Variants in PHKB observed in about 807,000 individuals in gnomAD.
PHKB encodes the protein phosphorylase b kinase regulatory subunit beta.
PHKB carries 122 observed loss-of-function variants against 152.1 expected under a neutral mutation model. The observed-to-expected ratio is 0.80, with a 90% CI of 0.69 to 0.93. The LOEUF (loss-of-function observed/expected upper bound fraction) is 0.93, where lower values mean the gene tolerates loss of function less well. Ranked by LOEUF, PHKB falls within the 40% of genes least tolerant of loss-of-function variation. PHKB has a pLI of 0.00. For synonymous variants in PHKB, 436 were observed against 464.9 expected (o/e 0.94, Z 0.80); for missense variants, 1,304 against 1,328.4 (o/e 0.98, Z 0.29).
chr16:47,598,190 C>A (rs1390737308), intron 13 of PHKB, among the ~76,000 whole-genome samples: 1 of 152,106 alleles, frequency 6.6e-6, no homozygotes, highest in South Asian at 2.1e-4. Context: ...TCACCAGCCA[C>A]TTGTGCTATT....
chr16:47,477,181 A>G (rs980333334), intron 1 of PHKB, among the ~76,000 whole-genome samples: 1 of 152,168 alleles, frequency 6.6e-6, no homozygotes, highest in African/African-American at 2.4e-5. Context: ...TAATTGCTCT[A>G]CTGGTTCCCA....
At position 47,555,045 on chromosome 16, in the gene PHKB, A is replaced by G. The variant is rs544453816; in HGVS notation, c.710+7497A>G. ...CTTCGCTTTTCTAATAAAGAAAGCCATCACTAAAATATCAGATAAATAACA... is the reference window on the plus strand; with the variant it reads ...CTTCGCTTTTCTAATAAAGAAAGCCGTCACTAAAATATCAGATAAATAACA... On this transcript the variant is annotated intron_variant, in intron 7 of 30. Coordinates refer to ENST00000323584, the MANE Select transcript of PHKB (RefSeq NM_000293.3). 6.6e-5 allele frequency among the ~76,000 whole-genome samples: 10 copies of G among 152,358 alleles called. No individual in the cohort carries two copies. In the East Asian group the frequency reaches 7.7e-4, roughly 12 times the overall value.
At chr16:47,548,115 T>C (rs1490023018) in intron 7 of PHKB, 2 of 155,784 alleles carry the variant, frequency 1.3e-5, no homozygotes, top group African/African-American at 4.8e-5. Context: ...GAATTTCTTT[T>C]AATCCTTAGG....
chr16:47,636,872 G>A (rs148670734), intron 14 of PHKB, among the ~76,000 whole-genome samples: 1 of 152,284 alleles, frequency 6.6e-6, no homozygotes, highest in African/African-American at 2.4e-5. Flanking sequence ...AAGCCTGGGG[G>A]CCGGGCTGCC....
intron 7 of PHKB, among the ~76,000 whole-genome samples, chr16:47,560,779 A>G (rs889658728): frequency 6.6e-6 from 1 of 152,212 alleles, no homozygotes; most frequent in African/African-American, 2.4e-5. Flanking sequence ...TCAAAGACCT[A>G]TACCTATATG....
chr16:47,499,889 A>G lies in PHKB; in HGVS notation c.300A>G (p.Ala100=). ...CAAGAWALAL[A]YRRIDDDKGR... is the part of the protein sequence containing the mutation. Reference sequence around the variant, plus strand: ...CTGGGGCCTGGGCTTTGGCTCTTGCATACAGGTGAGCTGGTGTGTGTTCTC... The same window carrying G: ...CTGGGGCCTGGGCTTTGGCTCTTGCGTACAGGTGAGCTGGTGTGTGTTCTC... The change falls in exon 3 of 31, where the codon GCA becomes GCG. Residue 100 remains alanine (A), a synonymous_variant. Coordinates refer to ENST00000323584, the MANE Select transcript of PHKB (RefSeq NM_000293.3). 7 of 1,614,134 alleles carry G rather than the reference A, an allele frequency of 4.3e-6. No homozygotes were observed. Among genetic ancestry groups the G allele is most frequent in the Non-Finnish European group, 4.2e-6 (5 of 1,180,010 alleles).
intron 14 of PHKB, among the ~76,000 whole-genome samples, chr16:47,619,587 A>G (rs1597128910): frequency 6.6e-6 from 1 of 151,876 alleles, no homozygotes; most frequent in African/African-American, 2.4e-5. Context: ...GGAGGTGTTT[A>G]CTCCCTCTCC....
chr16:47,585,739 T>C (rs1229094247), intron 8 of PHKB, among the ~76,000 whole-genome samples: 1 of 152,228 alleles, frequency 6.6e-6, no homozygotes, highest in Non-Finnish European at 1.5e-5. Context: ...AATTGAGAGC[T>C]GAATAAATAC....
At chr16:47,472,665 C>T (rs1022364078) in intron 1 of PHKB, among the ~76,000 whole-genome samples, 2 of 152,160 alleles carry the variant, frequency 1.3e-5, no homozygotes, top group African/African-American at 4.8e-5. Flanking sequence ...CACCTGTAAT[C>T]CCAACTACTC....
chr16:47,630,162 C>T (rs1198835445), intron 14 of PHKB, among the ~76,000 whole-genome samples: 8 of 151,978 alleles, frequency 5.3e-5, no homozygotes. Flanking sequence ...TACCCTAAAA[C>T]TTAAAGTATA....
Position 47,497,383 on chromosome 16 carries a change from T to C in PHKB, c.77-16T>C. The C allele has an allele frequency of 1.3e-6, 2 of 1,521,876 alleles. No homozygotes were observed. Among genetic ancestry groups the C allele is most frequent in the South Asian group, 1.1e-5 (1 of 89,106 alleles). The allele number at this position is 1,521,876 out of a possible 1,614,324, so 94.3% of individuals were successfully genotyped here. A position where few individuals can be genotyped will look rare whatever the true frequency, so the allele number is the denominator to read the frequency against. On this transcript the variant is annotated splice_polypyrimidine_tract_variant and intron_variant, in intron 1 of 30. Transcript: ENST00000323584. Reference sequence around the variant, plus strand: ...GAAAATGACTGAATTTGATGGGTTTTTATTTTTTCTTTTAGGCTCAGTTTA... The same window carrying C: ...GAAAATGACTGAATTTGATGGGTTTCTATTTTTTCTTTTAGGCTCAGTTTA...
intron 7 of PHKB, among the ~76,000 whole-genome samples, chr16:47,548,739 C>T (rs1322471086): frequency 6.6e-6 from 1 of 152,240 alleles, no homozygotes; most frequent in South Asian, 2.1e-4. Flanking sequence ...CAAAAACCAG[C>T]TCCAGATCAC....
At chr16:47,547,014 G>A (rs1971182183) in intron 6 of PHKB, among the ~76,000 whole-genome samples, 1 of 152,162 alleles carries the variant, frequency 6.6e-6, no homozygotes, top group African/African-American at 2.4e-5. Context: ...GTCTGTCAAG[G>A]CTTCCCTTGG....
At position 47,658,031 on chromosome 16, in the gene PHKB, T is replaced by C. The variant is rs111710544; in HGVS notation, c.1972-2475T>C. Among the ~76,000 whole-genome samples, 301 of 152,306 alleles carry C rather than the reference T, an allele frequency of 2.0e-3. 4 individuals are homozygous for C. The highest frequency in any genetic ancestry group is 6.6e-3 in the African/African-American group (273 of 41,564). ...CTGGTCATAAGCAGATTAGGTCATA[T>C]ATCATAAGCCTCCAATGACTTCCTC... On this transcript the variant is annotated intron_variant, in intron 20 of 30. Coordinates refer to ENST00000323584, the MANE Select transcript of PHKB (RefSeq NM_000293.3).
chr16:47,635,231 C>CA (rs1220070965), intron 14 of PHKB, among the ~76,000 whole-genome samples: 1 of 152,118 alleles, frequency 6.6e-6, no homozygotes, highest in African/African-American at 2.4e-5. Context: ...TTTGAATCTC[C>CA]ATGTTGCCAC....
chr16:47,641,197 G>A, intron 15 of PHKB, 107 bp downstream of exon 15: 1 of 853,330 alleles, frequency 1.2e-6, no homozygotes, highest in Non-Finnish European at 2.0e-6. Context: ...ATTAACTTCA[G>A]AAACTCCTTT....
At chr16:47,522,083 A>G (rs912785633) in intron 6 of PHKB, among the ~76,000 whole-genome samples, 2 of 152,186 alleles carry the variant, frequency 1.3e-5, no homozygotes, top group African/African-American at 4.8e-5. Flanking sequence ...TACCAGGGCC[A>G]ATAATGGACT....
chr16:47,470,530 A>G (rs989184286), intron 1 of PHKB, among the ~76,000 whole-genome samples: 4 of 152,290 alleles, frequency 2.6e-5, no homozygotes, highest in Admixed American at 1.3e-4. Flanking sequence ...GTTTATGGCC[A>G]GTTTTGGGGC....
chr16:47,558,628 C>T (rs1388442694), intron 7 of PHKB, among the ~76,000 whole-genome samples: 3 of 152,216 alleles, frequency 2.0e-5, no homozygotes, highest in Non-Finnish European at 4.4e-5. Context: ...TGGCTCACTG[C>T]AACCTCTGCT....
Sources: gnomAD v4.1 joint callset for allele counts (sites outside exome capture counted in the v4.1 genomes callset) on GRCh38, gnomAD v4.1.1 for gene constraint, MANE v1.5 for transcripts, NCBI Gene and HGNC (gene_info 2026-07-23, HGNC 2026-07-21) for gene names.